The following CCDC3 variants were observed in gnomAD, a reference collection of about 807,000 sequenced individuals.
The protein encoded by CCDC3 is coiled-coil domain-containing protein 3.
Under a neutral mutation model 21.4 loss-of-function variants are expected in CCDC3, and 24 were observed. The observed-to-expected ratio is 1.12, with a 90% confidence interval of 0.81 to 1.58. The LOEUF is 1.58. Ranked by LOEUF, CCDC3 falls within the 40% of genes most tolerant of loss-of-function variation. CCDC3 has a pLI of 0.00. For missense variants in CCDC3, 425 were observed against 360.9 expected, an observed-to-expected ratio of 1.18 and a Z score of -1.44; for synonymous variants, 186 against 166.0, an observed-to-expected ratio of 1.12 and a Z score of -0.93.
At chr10:12,913,026 A>T (rs147270118) in intron 2 of CCDC3, among the ~76,000 whole-genome samples, 167 of 152,316 alleles carry the variant, frequency 1.1e-3, no homozygotes, top group Non-Finnish European at 1.8e-3. Context: ...ATATTTTGAA[A>T]TCAGGTAGTA....
At chr10:12,960,234 C>G (rs1396001940) in intron 2 of CCDC3, among the ~76,000 whole-genome samples, 1 of 151,760 alleles carries the variant, frequency 6.6e-6, no homozygotes, top group African/African-American at 2.4e-5. Flanking sequence ...AAAGCAAAAG[C>G]AACAAAAAGC....
At chr10:12,929,454 G>C (rs76134921) in intron 2 of CCDC3, among the ~76,000 whole-genome samples, 163 of 152,274 alleles carry the variant, frequency 1.1e-3, no homozygotes, top group African/African-American at 3.6e-3. Flanking sequence ...CACTTAGCGA[G>C]ATGGCTACCT....
rs1834132766 is a variant in CCDC3 at position 12,904,087 on chromosome 10, A to ATTT, written c.550-5409_550-5408insAAA. ...GATTCTTTTCCAGTCATCGGTCTGT[A>ATTT]CACTTCCCGTGAGTATTTCATGGGA... On this transcript the variant is annotated intron_variant, in intron 2 of 2. Coordinates refer to ENST00000378825, the MANE Select transcript of CCDC3 (RefSeq NM_031455.4). 3.3e-5 allele frequency among the ~76,000 whole-genome samples: 5 copies of ATTT among 151,970 alleles called. No individual in the cohort carries two copies. The South Asian group carries it at 1.0e-3, about 32-fold the overall frequency.
chr10:13,073,163 G>A (rs1476810823), intron 4 of CCDC3, among the ~76,000 whole-genome samples: 1 of 152,098 alleles, frequency 6.6e-6, no homozygotes, highest in African/African-American at 2.4e-5. Context: ...ACTATCCCTG[G>A]CCACACAATC....
intron 2 of CCDC3, among the ~76,000 whole-genome samples, chr10:12,964,938 C>A (rs549192873): frequency 6.6e-6 from 1 of 152,316 alleles, no homozygotes; most frequent in Non-Finnish European, 1.5e-5. Flanking sequence ...ACAGTACATG[C>A]AGACAGTGGC....
chr10:13,029,712 G>A (rs1291934312), intron 5 of CCDC3, among the ~76,000 whole-genome samples: 1 of 152,156 alleles, frequency 6.6e-6, no homozygotes, highest in Non-Finnish European at 1.5e-5. Context: ...TTCAGCAGCC[G>A]ATTTGATCAA....
At chr10:13,092,203 C>A (rs1205814994) in intron 3 of CCDC3, among the ~76,000 whole-genome samples, 2 of 152,082 alleles carry the variant, frequency 1.3e-5, no homozygotes, top group East Asian at 3.9e-4. Flanking sequence ...AGTATGGGAA[C>A]CAAGGTAGAC....
At chr10:12,966,533 A>G (rs971107937) in intron 2 of CCDC3, among the ~76,000 whole-genome samples, 1 of 152,180 alleles carries the variant, frequency 6.6e-6, no homozygotes, top group African/African-American at 2.4e-5. Flanking sequence ...CTTGGGAGCC[A>G]GCTGGCCACA....
At chr10:12,936,616 T>C (rs1276939376) in intron 2 of CCDC3, among the ~76,000 whole-genome samples, 1 of 152,240 alleles carries the variant, frequency 6.6e-6, no homozygotes, top group Non-Finnish European at 1.5e-5. Context: ...CAGGTTAGAT[T>C]CTGGTTGAAC....
chr10:13,074,442 T>C (rs910246346), intron 3 of CCDC3, among the ~76,000 whole-genome samples: 1 of 141,176 alleles, frequency 7.1e-6, no homozygotes, highest in Non-Finnish European at 1.5e-5. Flanking sequence ...CACCTCGACC[T>C]CCCAAAGTGC....
intron 4 of CCDC3, among the ~76,000 whole-genome samples, chr10:13,063,139 G>T (rs937011554): frequency 8.7e-6 from 1 of 115,212 alleles, no homozygotes; most frequent in Non-Finnish European, 1.8e-5. Flanking sequence ...TTTGCTCCCC[G>T]AATGTTCGGG....
chr10:13,012,203 C>T (rs895429055), intron 5 of CCDC3, among the ~76,000 whole-genome samples: 3 of 152,054 alleles, frequency 2.0e-5, no homozygotes, highest in African/African-American at 7.2e-5. Context: ...CAAATGAGAC[C>T]TAACTAAAGA....
chr10:12,958,967 TG>T (rs1181417037), intron 2 of CCDC3, among the ~76,000 whole-genome samples: 1 of 152,098 alleles, frequency 6.6e-6, no homozygotes, highest in African/African-American at 2.4e-5. Flanking sequence ...ATCAACCTAG[TG>T]GGAATGGGTA....
chr10:13,069,387 C>T (rs1836857366), intron 4 of CCDC3, among the ~76,000 whole-genome samples: 1 of 152,162 alleles, frequency 6.6e-6, no homozygotes, highest in African/African-American at 2.4e-5. Flanking sequence ...ACTCTTAAGG[C>T]ATTAATCTGC....
intron 3 of CCDC3, among the ~76,000 whole-genome samples, chr10:13,090,038 T>TAGATAGATAGATAGATAGATAG (rs1564345301): frequency 0.017 from 25 of 1,454 alleles, no homozygotes; most frequent in African/African-American, 0.019. Context: ...CCGTTAGATA[T>TAGATAGATAGATAGATAGATAG]ATATATATAT....
At chr10:13,096,363 T>A (rs187370953) in intron 3 of CCDC3, among the ~76,000 whole-genome samples, 11 of 152,212 alleles carry the variant, frequency 7.2e-5, no homozygotes, top group African/African-American at 2.6e-4. Flanking sequence ...TTTTATATTT[T>A]TAGTAGAGAT....
chr10:13,083,174 T>C (rs533108717), intron 3 of CCDC3, among the ~76,000 whole-genome samples: 1 of 152,274 alleles, frequency 6.6e-6, no homozygotes, highest in African/African-American at 2.4e-5. Context: ...AGCAGATGTA[T>C]GGTAGTATTG....
chr10:13,001,167 G>A lies in CCDC3; in HGVS notation c.374+30C>T, dbSNP rs928557177. On this transcript the variant is annotated intron_variant, in intron 1 of 2. Coordinates refer to ENST00000378825, the MANE Select transcript of CCDC3 (RefSeq NM_031455.4). Reference sequence around the variant, plus strand: ...CCTCGGGAGGTGGCGCAGAGAGAGAGAGAGGTGGCGGCGGCGCCGCCGGGC... The same window carrying A: ...CCTCGGGAGGTGGCGCAGAGAGAGAAAGAGGTGGCGGCGGCGCCGCCGGGC... The A allele has an allele frequency of 2.3e-5, 36 of 1,543,046 alleles. No individual in the cohort carries two copies. The Admixed American group carries it at 6.4e-4, about 27-fold the overall frequency.
At chr10:13,090,616 A>G (rs1418529078) in intron 3 of CCDC3, among the ~76,000 whole-genome samples, 1 of 152,006 alleles carries the variant, frequency 6.6e-6, no homozygotes, top group Non-Finnish European at 1.5e-5. Context: ...CTCAGAACTA[A>G]TCTCCTTCCC....
Sources: allele counts gnomAD v4.1 joint callset (sites outside exome capture counted in the v4.1 genomes callset), GRCh38; gene constraint gnomAD v4.1.1; transcripts MANE v1.5; gene names NCBI Gene and HGNC (gene_info 2026-07-23, HGNC 2026-07-21).